CTH: variants seen among roughly 807,000 people sequenced by gnomAD.
CTH encodes the protein cystathionase (cystathionine gamma-lyase).
A neutral mutation model predicts 50.6 loss-of-function variants in CTH; 41 were observed. That is an observed-to-expected ratio of 0.81 (90% confidence interval 0.63 to 1.05). The LOEUF (loss-of-function observed/expected upper bound fraction) is 1.05, where lower values mean the gene tolerates loss of function less well. Ranked by LOEUF, CTH falls within the 50% of genes least tolerant of loss-of-function variation. The pLI is 0.00. For missense variants in CTH, 470 were observed against 492.6 expected (o/e 0.95, Z 0.43); for synonymous variants, 156 against 168.9 (o/e 0.92, Z 0.59).
Position 70,439,334 on chromosome 1 carries a change from A to G in CTH, c.*207A>G. 1 of 581,032 alleles carries G rather than the reference A, an allele frequency of 1.7e-6. No homozygotes were observed. The highest frequency in any genetic ancestry group is 2.2e-5 in the South Asian group (1 of 45,092). 36.0% of individuals were successfully genotyped at this position (581,032 alleles called of 1,614,324 possible). A position where few individuals can be genotyped will look rare whatever the true frequency, so the allele number is the denominator to read the frequency against. ...TTATAATTACAGGTCAATTCTGTTA[A>G]TATCTTTTTGTTAATTTTGCTCTAT... On this transcript the variant is annotated 3_prime_UTR_variant, in exon 12 of 12. Transcript: ENST00000370938.
intron 8 of CTH, among the ~76,000 whole-genome samples, chr1:70,433,571 G>A (rs1255568861): frequency 6.6e-6 from 1 of 152,120 alleles, no homozygotes; most frequent in African/African-American, 2.4e-5. Flanking sequence ...CAGGTTGAAG[G>A]GACAGCATGT....
intron 4 of CTH, 64 bp from the exon 5 acceptor site, chr1:70,424,221 A>G: frequency 1.2e-6 from 2 of 1,611,574 alleles, no homozygotes; most frequent in Non-Finnish European, 1.7e-6. Context: ...TTGTTACAAT[A>G]TATGAGATGT....
rs767542599 is a variant in CTH at position 70,433,945 on chromosome 1, T to C, written c.995T>C (p.Leu332Pro). 14 of 1,613,930 alleles carry C rather than the reference T, an allele frequency of 8.7e-6. No homozygotes were observed. ...CATGCTGAGATTTTCCTCAAGAACC[T>C]AAAGGTAAACTTACAAAATAGGTTT... ...LQHAEIFLKN[L>P]KLFTLAESLG... Residue 332 changes from leucine (L) to proline (P), a missense_variant, in exon 9 of 12, where the codon CTA becomes CCA. Coordinates refer to ENST00000370938, the MANE Select transcript of CTH (RefSeq NM_001902.6).
At chr1:70,431,366 A>G (rs941725555) in intron 7 of CTH, among the ~76,000 whole-genome samples, 1 of 152,136 alleles carries the variant, frequency 6.6e-6, no homozygotes, top group Non-Finnish European at 1.5e-5. Context: ...GAGGGCTTTC[A>G]TATACTATAC....
chr1:70,436,168 C>T lies in CTH; in HGVS notation c.1052+991C>T, dbSNP rs111877887. On this transcript the variant is annotated intron_variant, in intron 10 of 11. Coordinates refer to ENST00000370938, the MANE Select transcript of CTH (RefSeq NM_001902.6). Reference sequence around the variant, plus strand: ...TCTCCTAAAAAAAAAAAAAATTATCCGAGTGTGGTGGTGTACACCTATAAT... The same window carrying T: ...TCTCCTAAAAAAAAAAAAAATTATCTGAGTGTGGTGGTGTACACCTATAAT... Among the ~76,000 whole-genome samples the T allele has an allele frequency of 1.3e-3, 191 of 151,028 alleles. 1 individual carries two copies. Among genetic ancestry groups the T allele is most frequent in the African/African-American group, 4.1e-3 (168 of 41,124 alleles).
chr1:70,426,026 T>G (rs1415558943), intron 5 of CTH, among the ~76,000 whole-genome samples: 3 of 152,138 alleles, frequency 2.0e-5, no homozygotes, highest in African/African-American at 7.2e-5. Flanking sequence ...GACACAAATG[T>G]TCAGACCATA....
intron 5 of CTH, among the ~76,000 whole-genome samples, chr1:70,427,178 T>A (rs1328838357): frequency 6.6e-6 from 1 of 152,194 alleles, no homozygotes; most frequent in Non-Finnish European, 1.5e-5. Flanking sequence ...TTCTTCCCAG[T>A]CTTTTGTCCT....
intron 5 of CTH, 57 bp downstream of exon 5, chr1:70,424,473 GGAAA>G (rs1572261213): frequency 6.2e-7 from 1 of 1,607,152 alleles, no homozygotes. Flanking sequence ...TCTGTAATTA[GGAAA>G]GAAAGGACTT....
At chr1:70,433,765 C>A in intron 8 of CTH, 63 bp from the exon 9 acceptor site, 1 of 1,607,456 alleles carries the variant, frequency 6.2e-7, no homozygotes, top group Non-Finnish European at 8.5e-7. Context: ...AAATACCACC[C>A]TCCCCCCCCA....
chr1:70,412,530 G>A (rs1227731132), intron 1 of CTH, among the ~76,000 whole-genome samples: 1 of 152,182 alleles, frequency 6.6e-6, no homozygotes, highest in African/African-American at 2.4e-5. Flanking sequence ...AACCCAGGAG[G>A]CAGAGGTTGC....
chr1:70,411,836 G>A (rs1457393631), intron 1 of CTH, among the ~76,000 whole-genome samples: 1 of 152,140 alleles, frequency 6.6e-6, no homozygotes, highest in Non-Finnish European at 1.5e-5. Flanking sequence ...AAATTCAGGT[G>A]ATTTTGACAA....
chr1:70,432,754 G>T (rs186246769), intron 8 of CTH, among the ~76,000 whole-genome samples: 5 of 139,324 alleles, frequency 3.6e-5, no homozygotes, highest in African/African-American at 1.4e-4. Context: ...TGCAATTTCA[G>T]CTCACTGCAA....
rs1684223496 is a variant in CTH at position 70,421,612 on chromosome 1, G to T, written c.393G>T (p.Lys131Asn). ...AAGTGGCATCTGAATTTGGATTAAAGATTTCTTTTGTTGATTGTTCCAAAA... is the reference window on the plus strand; with the variant it reads ...AAGTGGCATCTGAATTTGGATTAAATATTTCTTTTGTTGATTGTTCCAAAA... ...FRQVASEFGL[K>N]ISFVDCSKIK... Residue 131 changes from lysine to asparagine, a missense_variant, in exon 4 of 12, where the codon AAG becomes AAT. By Grantham distance (94) the Lys-to-Asn change is moderately conservative. Coordinates refer to ENST00000370938, the MANE Select transcript of CTH (RefSeq NM_001902.6). 6.2e-7 allele frequency: 1 copy of T among 1,613,920 alleles called. No individual in the cohort carries two copies.
At chr1:70,438,932 A>G in intron 11 of CTH, 106 bp downstream of exon 11, 1 of 1,601,988 alleles carries the variant, frequency 6.2e-7, no homozygotes, top group Non-Finnish European at 8.5e-7. Flanking sequence ...TGTGAACTCT[A>G]AAGCTTTTCT....
At chr1:70,424,225 G>T in intron 4 of CTH, 60 bp from the exon 5 acceptor site, 1 of 1,611,724 alleles carries the variant, frequency 6.2e-7, no homozygotes, top group South Asian at 1.1e-5. Flanking sequence ...TACAATATAT[G>T]AGATGTATGT....
At chr1:70,424,789 C>T (rs1384002547) in intron 5 of CTH, among the ~76,000 whole-genome samples, 2 of 152,074 alleles carry the variant, frequency 1.3e-5, no homozygotes, top group African/African-American at 2.4e-5. Flanking sequence ...ATTAGCTGGG[C>T]GCAGTGGCGG....
intron 3 of CTH, among the ~76,000 whole-genome samples, chr1:70,419,153 C>G (rs112702268): frequency 0.091 from 13,851 of 152,018 alleles, 864 homozygotes; most frequent in East Asian, 0.3. Context: ...AGGACATGAA[C>G]TCATCCTTTT....
At chr1:70,431,315 C>G (rs969341341) in intron 7 of CTH, 1 of 152,058 alleles carries the variant, frequency 6.6e-6, no homozygotes, top group Middle Eastern at 3.4e-3. Context: ...AGTTTCAAGA[C>G]TTAATGGTTT....
chr1:70,435,243 A>T, intron 10 of CTH, 66 bp downstream of exon 10: 1 of 1,401,154 alleles, frequency 7.1e-7, no homozygotes. Context: ...TGGGAAAGAA[A>T]TATGATAAGG....
Sources: gnomAD v4.1 joint callset for allele counts (sites outside exome capture counted in the v4.1 genomes callset) on GRCh38, gnomAD v4.1.1 for gene constraint, MANE v1.5 for transcripts, NCBI Gene and HGNC (gene_info 2026-07-23, HGNC 2026-07-21) for gene names.